Variants in SH3D21 observed in about 807,000 individuals in gnomAD.
The protein encoded by SH3D21 is manchette microtubule inner protein 1, also known as SH3 domain-containing protein 21.
SH3D21 carries 83 observed loss-of-function variants against 82.1 expected under a neutral mutation model. The ratio of observed to expected loss-of-function variants is 1.01; its 90% CI spans 0.85 to 1.21. SH3D21 has a LOEUF of 1.21. SH3D21 is among the 50% of genes most tolerant of loss of function. The probability of loss-of-function intolerance (pLI) is 0.00; values close to 1 mark genes in which losing one functional copy is unlikely to be tolerated. For missense variants in SH3D21, 980 were observed against 962.1 expected (o/e 1.02, Z -0.25); for synonymous variants, 383 against 387.8 (o/e 0.99, Z 0.15).
downstream of SH3D21, chr1:36,324,952 C>A (rs1646527126): frequency 6.6e-6 from 1 of 152,130 alleles, no homozygotes; most frequent in African/African-American, 2.4e-5. Flanking sequence ...AACTTTGCAT[C>A]AAAAATATTC....
intron 9 of SH3D21, among the ~76,000 whole-genome samples, chr1:36,309,176 G>A (rs1175427685): frequency 1.3e-5 from 2 of 151,656 alleles, no homozygotes; most frequent in African/African-American, 4.8e-5. Flanking sequence ...GAAAGTTTCA[G>A]ATTTTGGAGC....
In SH3D21 at chr1:36,320,276, C is replaced by A; in HGVS notation, c.1613C>A (p.Pro538His). The change falls in exon 14 of 16, where the codon CCC (proline) becomes CAC (histidine). Residue 538 changes from proline to histidine, a missense_variant. Transcript: ENST00000453908. ...GCCCACACGCCAGAGGCACCCCCAC[C>A]CCAGCCTCCTTCCTCAGAGAGGTGC... is the stretch of plus-strand genomic sequence containing the variant. Reference protein sequence around the residue: ...EEAHTPEAPPPQPPSSERCLG... With the variant: ...EEAHTPEAPPHQPPSSERCLG... 1 of 1,612,748 alleles carries A rather than the reference C, an allele frequency of 6.2e-7. No homozygotes were observed. The highest frequency in any genetic ancestry group is 1.1e-5 in the South Asian group (1 of 91,058).
chr1:36,310,692 TTG>T (rs917702201), intron 10 of SH3D21, among the ~76,000 whole-genome samples: 7 of 152,142 alleles, frequency 4.6e-5, no homozygotes, highest in African/African-American at 1.7e-4. Context: ...TGCCTGTTGT[TTG>T]TGTCCTCCTC....
chr1:36,311,202 C>T (rs1646233331), intron 10 of SH3D21, among the ~76,000 whole-genome samples: 1 of 151,578 alleles, frequency 6.6e-6, no homozygotes, highest in African/African-American at 2.4e-5. Context: ...AGCCACCGTG[C>T]CTGGCTGAGA....
Position 36,321,021 on chromosome 1 carries a change from C to T in SH3D21, c.2200-35C>T. 1 of 1,592,598 alleles carries T rather than the reference C, an allele frequency of 6.3e-7. No homozygotes were observed. The highest frequency in any genetic ancestry group is 1.8e-5 in the Admixed American group (1 of 56,996). On this transcript the variant is annotated intron_variant, in intron 15 of 15. Transcript: ENST00000453908. This position sits in a 1 kb window ranked among gnomAD's most constrained non-coding sequence, Gnocchi z 6.1. ...GCGGGAGGGGGCTGACGGCGAGTGGCCCCCTGACAAAGTCTCCACCTCACT... is the reference window on the plus strand; with the variant it reads ...GCGGGAGGGGGCTGACGGCGAGTGGTCCCCTGACAAAGTCTCCACCTCACT...
At chr1:36,322,958 C>T, downstream of SH3D21, 2 of 1,606,266 alleles carry the variant, frequency 1.2e-6, no homozygotes, top group Admixed American at 1.7e-5. Context: ...AGTCTTCCGG[C>T]GCCCGCCCTC....
intron 10 of SH3D21, among the ~76,000 whole-genome samples, chr1:36,315,262 C>G (rs953273399): frequency 6.6e-6 from 1 of 151,314 alleles, no homozygotes; most frequent in Non-Finnish European, 1.5e-5. Flanking sequence ...GGTGACAGAG[C>G]GAGACTCTGT....
intron 9 of SH3D21, among the ~76,000 whole-genome samples, chr1:36,308,850 G>C (rs969344503): frequency 9.2e-5 from 14 of 151,912 alleles, no homozygotes; most frequent in African/African-American, 3.4e-4. Context: ...GGGCGTGGTG[G>C]CATGCATGTG....
chr1:36,314,267 G>A (rs963515386), intron 10 of SH3D21, among the ~76,000 whole-genome samples: 2 of 150,742 alleles, frequency 1.3e-5, no homozygotes, highest in Admixed American at 6.6e-5. Flanking sequence ...GAGCCACCGC[G>A]CCCGGCCCGA....
intron 10 of SH3D21, among the ~76,000 whole-genome samples, chr1:36,318,723 G>A (rs1018042295): frequency 1.3e-5 from 2 of 151,856 alleles, no homozygotes; most frequent in Non-Finnish European, 1.5e-5. Context: ...TGGCTAACAC[G>A]GTGAAACCCC....
chr1:36,327,540 C>G (rs1646557104), downstream of SH3D21, among the ~76,000 whole-genome samples: 2 of 152,206 alleles, frequency 1.3e-5, no homozygotes, highest in African/African-American at 4.8e-5. Context: ...TGCTACGCAG[C>G]TCTCTGTATC....
At chr1:36,318,929 A>G in intron 10 of SH3D21, 142 bp from the exon 11 acceptor site, 1 of 287,468 alleles carries the variant, frequency 3.5e-6, no homozygotes, top group Non-Finnish European at 6.4e-6. Context: ...TAATAATAAT[A>G]ATAATAATAA....
Position 36,320,625 on chromosome 1 carries a change from C to G in SH3D21, c.1962C>G (p.Ala654=). The change falls in exon 14 of 16, where the codon GCC becomes GCG. Residue 654 remains alanine, a synonymous_variant. Coordinates refer to ENST00000453908, the MANE Select transcript of SH3D21 (RefSeq NM_001162530.2). ...TGCCCCCCATAGAAAGAGCCTTTGC[C>G]CAAAAAACACGTCCTATCAAGCCGC... ...EEVPPIERAF[A]QKTRPIKPPP... 1 of 1,614,246 alleles carries G rather than the reference C, an allele frequency of 6.2e-7. No homozygotes were observed. Among genetic ancestry groups the G allele is most frequent in the Non-Finnish European group, 8.5e-7 (1 of 1,180,052 alleles).
At chr1:36,308,575 A>C in intron 9 of SH3D21, 100 bp downstream of exon 9, 2 of 912,372 alleles carry the variant, frequency 2.2e-6, no homozygotes, top group East Asian at 2.7e-5. Flanking sequence ...GGGTCACTAA[A>C]TGAGGGTGGA....
downstream of SH3D21, chr1:36,323,113 C>A (rs1409614164): frequency 2.0e-6 from 3 of 1,496,038 alleles, no homozygotes; most frequent in Non-Finnish European, 2.7e-6. Context: ...CTGGAGCCCA[C>A]CCCGACCCCT....
chr1:36,328,480 A>G (rs1269533150), downstream of SH3D21: 6 of 296,474 alleles, frequency 2.0e-5, no homozygotes, highest in Non-Finnish European at 4.0e-5. Flanking sequence ...TGCTAAATGG[A>G]CAATCATAGG....
chr1:36,307,317 G>T lies in SH3D21; in HGVS notation c.345+32G>T. ...GGTGAGGTGATGGGACCGTTTGGGG[G>T]AGGATGATGGAACGCGCCTCCCTAG... On this transcript the variant is annotated intron_variant, in intron 4 of 15. Coordinates refer to ENST00000453908, the MANE Select transcript of SH3D21 (RefSeq NM_001162530.2). This position sits in a 1 kb window ranked among gnomAD's most constrained non-coding sequence, Gnocchi z 5.4. 6.5e-7 allele frequency: 1 copy of T among 1,550,234 alleles called. No individual in the cohort carries two copies. Among genetic ancestry groups the T allele is most frequent in the African/African-American group, 1.4e-5 (1 of 73,144 alleles).
chr1:36,321,644 G>C (rs1428593221), downstream of SH3D21: 2 of 1,018,134 alleles, frequency 2.0e-6, no homozygotes, highest in African/African-American at 1.7e-5. The surrounding 1 kb of genome is among the most constrained non-coding windows in gnomAD (Gnocchi z 6.1). Flanking sequence ...TCCAGCCCAA[G>C]CACGCATGCT....
At chr1:36,322,095 G>A (rs1305186565), downstream of SH3D21, 16 of 1,362,916 alleles carry the variant, frequency 1.2e-5, no homozygotes, top group Non-Finnish European at 1.4e-5. Context: ...GAGAGGGAGT[G>A]GGGACCCTGC....
Sources: gnomAD v4.1 joint callset for allele counts (sites outside exome capture counted in the v4.1 genomes callset) on GRCh38, gnomAD v4.1.1 for gene constraint, Gnocchi (gnomAD v3.1) non-coding constraint, MANE v1.5 for transcripts, NCBI Gene and HGNC (gene_info 2026-07-23, HGNC 2026-07-21) for gene names.